The following NLGN1 variants were observed in gnomAD, a reference collection of about 807,000 sequenced individuals.
The protein encoded by NLGN1 is neuroligin-1.
NLGN1 carries 12 observed loss-of-function variants against 65.5 expected under a neutral mutation model. The observed-to-expected ratio is 0.18, with a 90% CI of 0.12 to 0.30. The LOEUF is 0.30. NLGN1 is among the 10% of genes least tolerant of loss of function. The pLI is 1.00. For missense variants in NLGN1, 750 were observed against 1,007.1 expected, an observed-to-expected ratio of 0.74 and a Z score of 3.46; for synonymous variants, 350 against 359.5, an observed-to-expected ratio of 0.97 and a Z score of 0.30.
chr3:174,182,389 C>T (rs1158969775), intron 4 of NLGN1, among the ~76,000 whole-genome samples: 1 of 152,078 alleles, frequency 6.6e-6, no homozygotes, highest in African/African-American at 2.4e-5. Flanking sequence ...TTATTATGTG[C>T]TATGAGGGAG....
intron 4 of NLGN1, among the ~76,000 whole-genome samples, chr3:173,908,228 G>T (rs529633883): frequency 1.4e-4 from 22 of 152,240 alleles, no homozygotes; most frequent in Admixed American, 8.5e-4. Context: ...AACATCACAC[G>T]TATCTAGTGG....
intron 3 of NLGN1, among the ~76,000 whole-genome samples, chr3:173,662,152 T>C (rs570730890): frequency 2.4e-4 from 37 of 152,098 alleles, no homozygotes; most frequent in African/African-American, 8.7e-4. Flanking sequence ...AATACCTCTT[T>C]CAGCTCACAA....
rs1229903149 is a variant in NLGN1, at chr3:174,232,413, CT to C, written c.647-42900del. Among the ~76,000 whole-genome samples, 4 of 152,152 alleles carry C rather than the reference CT, an allele frequency of 2.6e-5. 1 individual carries two copies. The highest frequency in any genetic ancestry group is 1.5e-5 in the Non-Finnish European group (1 of 68,042). ...GTGCAGGTCACAGGGGATATGATGG[CT>C]TAGCTTGGGCTCAGAGGCCTGACAG... On this transcript the variant is annotated intron_variant, in intron 4 of 6. Transcript: ENST00000457714.
intron 2 of NLGN1, among the ~76,000 whole-genome samples, chr3:173,472,264 C>G (rs1725440696): frequency 6.6e-6 from 1 of 152,092 alleles, no homozygotes. Flanking sequence ...ATATTCTACT[C>G]TCTGTTTCCT....
intron 4 of NLGN1, among the ~76,000 whole-genome samples, chr3:173,935,708 C>T (rs1744954714): frequency 6.6e-6 from 1 of 151,334 alleles, no homozygotes; most frequent in African/African-American, 2.4e-5. Context: ...CCACTAAAAC[C>T]AGAAATTAGA....
chr3:173,451,228 A>G (rs937392284), intron 2 of NLGN1, among the ~76,000 whole-genome samples: 10 of 151,946 alleles, frequency 6.6e-5, no homozygotes, highest in African/African-American at 2.2e-4. Context: ...TGACGTACAG[A>G]TGGGTTTTTG....
chr3:173,855,369 ACT>A (rs1472529095), intron 4 of NLGN1, among the ~76,000 whole-genome samples: 2 of 152,070 alleles, frequency 1.3e-5, no homozygotes, highest in Non-Finnish European at 2.9e-5. Flanking sequence ...GAAATTACCA[ACT>A]CTAAATATTC....
chr3:174,065,451 C>G (rs2152524702), intron 4 of NLGN1, among the ~76,000 whole-genome samples: 1 of 152,066 alleles, frequency 6.6e-6, no homozygotes, highest in South Asian at 2.1e-4. Flanking sequence ...AAACACATAA[C>G]CAAACCTTGA....
At chr3:173,653,852 A>G (rs376707039) in intron 3 of NLGN1, among the ~76,000 whole-genome samples, 1 of 152,092 alleles carries the variant, frequency 6.6e-6, no homozygotes, top group Non-Finnish European at 1.5e-5. Flanking sequence ...GTTCCTTTCT[A>G]GCAACCTCTT....
At chr3:174,024,212 T>C (rs1309358004) in intron 4 of NLGN1, among the ~76,000 whole-genome samples, 1 of 144,776 alleles carries the variant, frequency 6.9e-6, no homozygotes, top group African/African-American at 2.5e-5. Context: ...GCATAGATCA[T>C]CCATCAGTTA....
At chr3:173,544,239 A>G (rs1457643338) in intron 2 of NLGN1, among the ~76,000 whole-genome samples, 1 of 147,496 alleles carries the variant, frequency 6.8e-6, no homozygotes, top group East Asian at 2.0e-4. Context: ...TTTAAGTAGT[A>G]AAGTACCAAG....
chr3:173,795,867 A>T (rs1454052333), intron 3 of NLGN1, among the ~76,000 whole-genome samples: 1 of 152,120 alleles, frequency 6.6e-6, no homozygotes, highest in East Asian at 1.9e-4. Context: ...TTTTGTAAAA[A>T]TGGCCTTAGG....
At chr3:173,778,516 A>G (rs1780654973) in intron 3 of NLGN1, among the ~76,000 whole-genome samples, 1 of 152,012 alleles carries the variant, frequency 6.6e-6, no homozygotes, top group Admixed American at 6.5e-5. Context: ...CTAAAAATAT[A>G]TGAAGAATTT....
chr3:173,498,388 C>A (rs1730397914), intron 2 of NLGN1, among the ~76,000 whole-genome samples: 2 of 151,738 alleles, frequency 1.3e-5, no homozygotes, highest in Admixed American at 6.6e-5. Context: ...ATGAACTCAT[C>A]ATTTTTATGG....
intron 4 of NLGN1, among the ~76,000 whole-genome samples, chr3:174,017,543 A>G (rs1239089227): frequency 3.3e-5 from 5 of 152,140 alleles, no homozygotes; most frequent in Admixed American, 6.6e-5. Flanking sequence ...ATAATTCAAC[A>G]TTAATTCACG....
chr3:173,857,020 TA>T (rs59155869), intron 4 of NLGN1, among the ~76,000 whole-genome samples: 82,454 of 139,810 alleles, frequency 0.59, 24,205 homozygotes, highest in Non-Finnish European at 0.69. Flanking sequence ...AGGCGTTAGA[TA>T]AAAAAAAAAA....
At chr3:173,400,650 C>G (rs774461803) in intron 1 of NLGN1, among the ~76,000 whole-genome samples, 18 of 152,082 alleles carry the variant, frequency 1.2e-4, no homozygotes, top group Non-Finnish European at 2.2e-4. Context: ...TGTACCCTTA[C>G]TCTGAGCTCC....
chr3:173,428,606 T>C (rs560961402), intron 1 of NLGN1, among the ~76,000 whole-genome samples: 1 of 152,200 alleles, frequency 6.6e-6, no homozygotes, highest in South Asian at 2.1e-4. Flanking sequence ...TATATATTCC[T>C]ATCTCTTAAG....
chr3:173,662,040 G>A (rs1760998060), intron 3 of NLGN1, among the ~76,000 whole-genome samples: 1 of 152,002 alleles, frequency 6.6e-6, no homozygotes, highest in South Asian at 2.1e-4. Flanking sequence ...TTTGTACCTA[G>A]TAAATTCCTT....
Sources: allele counts gnomAD v4.1 joint callset (sites outside exome capture counted in the v4.1 genomes callset), GRCh38; gene constraint gnomAD v4.1.1; transcripts MANE v1.5; gene names NCBI Gene and HGNC (gene_info 2026-07-23, HGNC 2026-07-21).